MACF1: variants seen among roughly 807,000 people sequenced by gnomAD.
MACF1 encodes microtubule actin crosslinking factor 1.
In MACF1, 193 loss-of-function variants were observed where a neutral mutation model predicts 854.8. The ratio of observed to expected loss-of-function variants is 0.23; its 90% CI spans 0.20 to 0.25. MACF1 has a LOEUF of 0.25. MACF1 is among the 10% of genes least tolerant of loss of function. MACF1 has a pLI of 1.00. For missense variants in MACF1, 7,722 were observed against 8,929.1 expected (o/e 0.86, Z 5.45); for synonymous variants, 3,185 against 3,226.7 (o/e 0.99, Z 0.44).
intron 58 of MACF1, chr1:39,411,306 T>G (rs1398097004): frequency 1.2e-6 from 2 of 1,613,904 alleles, no homozygotes; most frequent in Admixed American, 1.7e-5. Flanking sequence ...GGGAAAAGAC[T>G]TTTCTGATGG....
chr1:39,438,051 A>AT, intron 71 of MACF1, 43 bp downstream of exon 71: 3 of 1,558,220 alleles, frequency 1.9e-6, no homozygotes, highest in Non-Finnish European at 2.6e-6. Context: ...AACAGAATAA[A>AT]TTCTAGGCTG....
At position 39,332,712 on chromosome 1, in the gene MACF1, T is replaced by C; in HGVS notation, c.6124T>C (p.Phe2042Leu). The C allele has an allele frequency of 6.2e-7, 1 of 1,614,132 alleles. No homozygotes were observed. Among genetic ancestry groups the C allele is most frequent in the Non-Finnish European group, 8.5e-7 (1 of 1,180,012 alleles). The stretch of plus-strand genomic sequence containing the variant: ...TGGGTGGACTGTGAGGCTGCCTGAG[T>C]TCCAGTTTTCTTCTCAGAACAAAGA... ...SSGWTVRLPE[F>L]QFSSQNKEYP... The change falls in exon 37 of 101, where the codon TTC becomes CTC. Residue 2042 changes from phenylalanine to leucine, a missense_variant. Around this residue, in one of 15 missense-constraint regions of MACF1, gnomAD observed 1,531 missense variants for 1,601.6 expected, o/e 0.96. Coordinates refer to ENST00000564288, the MANE Select transcript of MACF1 (RefSeq NM_001394062.1).
chr1:39,290,812 C>T (rs549372105), intron 15 of MACF1, among the ~76,000 whole-genome samples: 24 of 151,696 alleles, frequency 1.6e-4, no homozygotes, highest in Admixed American at 7.9e-4. Flanking sequence ...AGATTACAGG[C>T]GTGCGCCACC....
At position 39,431,060 on chromosome 1, in the gene MACF1, G is replaced by A. The variant is rs756279241; in HGVS notation, c.17337+152G>A. The A allele has an allele frequency of 8.1e-4, 655 of 807,336 alleles. 2 individuals are homozygous for A. The highest frequency in any genetic ancestry group is 4.4e-3 in the Middle Eastern group (12 of 2,740). The allele number at this position is 807,336 out of a possible 1,614,324, so 50.0% of individuals were successfully genotyped here. ...TATGTTTCATTGATGGGAAATGATT[G>A]GGTAGAAGTTTGTGAGGATGGATCC... is the stretch of plus-strand genomic sequence containing the variant. On this transcript the variant is annotated intron_variant, in intron 66 of 100. Transcript: ENST00000564288.
chr1:39,410,265 G>A, intron 58 of MACF1: 1 of 1,559,320 alleles, frequency 6.4e-7, no homozygotes, highest in Non-Finnish European at 8.7e-7. Context: ...ATTGAAAAAG[G>A]ATGGGTAAGC....
chr1:39,351,611 G>A (rs1647187505), intron 43 of MACF1, among the ~76,000 whole-genome samples: 1 of 111,892 alleles, frequency 8.9e-6, no homozygotes, highest in African/African-American at 3.5e-5. Flanking sequence ...TTTTGAGACA[G>A]AGTTTTGCTC....
chr1:39,333,678 C>T lies in MACF1; in HGVS notation c.7090C>T (p.Leu2364Phe), dbSNP rs779287900. 8.1e-6 allele frequency: 13 copies of T among 1,614,124 alleles called. No homozygotes were observed. Among genetic ancestry groups the T allele is most frequent in the Non-Finnish European group, 1.0e-5 (12 of 1,180,016 alleles). The change falls in exon 37 of 101, where the codon CTC becomes TTC. Residue 2364 changes from leucine to phenylalanine, a missense_variant. Transcript: ENST00000564288. Reference protein sequence around the residue: ...LMDEKLLHNVLMADKAISGVL... With the variant: ...LMDEKLLHNVFMADKAISGVL... ...GGATGAGAAATTATTACATAATGTC[C>T]TCATGGCAGACAAAGCTATAAGTGG...
chr1:39,258,081 A>G (rs1320174227), intron 6 of MACF1, 53 bp downstream of exon 6: 2 of 1,407,036 alleles, frequency 1.4e-6, no homozygotes, highest in Non-Finnish European at 2.0e-6. Context: ...CATGGCCTAG[A>G]AAGTTGCACT....
chr1:39,211,377 C>T (rs1644513695), intron 1 of MACF1, among the ~76,000 whole-genome samples: 1 of 152,046 alleles, frequency 6.6e-6, no homozygotes, highest in Non-Finnish European at 1.5e-5. Context: ...TAGTGCTTTC[C>T]TGTGAACTGT....
At chr1:39,329,923 G>A (rs1188938587) in intron 36 of MACF1, among the ~76,000 whole-genome samples, 2 of 152,206 alleles carry the variant, frequency 1.3e-5, no homozygotes, top group Non-Finnish European at 2.9e-5. Context: ...TTCTGGGTCT[G>A]ACTCTGGGAG....
Position 39,334,092 on chromosome 1 carries a change from G to A in MACF1, c.7504G>A (p.Val2502Met), listed in dbSNP as rs1646772167. 1 of 1,614,184 alleles carries A rather than the reference G, an allele frequency of 6.2e-7. No homozygotes were observed. Among genetic ancestry groups the A allele is most frequent in the Non-Finnish European group, 8.5e-7 (1 of 1,180,018 alleles). ...EEAVRLLTKQVVDGGIIHHIS... is the reference protein window; with the variant it reads ...EEAVRLLTKQMVDGGIIHHIS... Reference sequence around the variant, plus strand: ...GGCCGTTCGTTTGTTGACTAAGCAAGTGGTAGATGGAGGTATCATTCACCA... The same window carrying A: ...GGCCGTTCGTTTGTTGACTAAGCAAATGGTAGATGGAGGTATCATTCACCA... Residue 2502 changes from valine (V) to methionine (M), a missense_variant, in exon 37 of 101, where the codon GTG becomes ATG. By Grantham distance (21) the Val-to-Met change is conservative. Coordinates refer to ENST00000564288, the MANE Select transcript of MACF1 (RefSeq NM_001394062.1).
chr1:39,360,667 T>C (rs1465043749), intron 47 of MACF1, 126 bp from the exon 48 acceptor site: 1 of 266,260 alleles, frequency 3.8e-6, no homozygotes, highest in Non-Finnish European at 6.2e-6. Context: ...TAAGACCACA[T>C]CCATATAATA....
At chr1:39,111,603 G>A (rs1217414279) in intron 2 of MACF1, among the ~76,000 whole-genome samples, 2 of 151,950 alleles carry the variant, frequency 1.3e-5, no homozygotes, top group African/African-American at 2.4e-5. Flanking sequence ...GGATGGTCTC[G>A]ATCTTCTGAC....
chr1:39,316,798 T>G lies in MACF1; in HGVS notation c.3588+269T>G, dbSNP rs1381346818. Among the ~76,000 whole-genome samples, 4 of 152,238 alleles carry G rather than the reference T, an allele frequency of 2.6e-5. No homozygotes were observed. The East Asian group carries it at 7.7e-4, about 29-fold the overall frequency. On this transcript the variant is annotated intron_variant, in intron 28 of 100. Coordinates refer to ENST00000564288, the MANE Select transcript of MACF1 (RefSeq NM_001394062.1). ...TCATGGATTAATTGGATACAGTCAG[T>G]GGTTGTGCCATAAGTTTATAAATCA...
chr1:39,450,039 T>C (rs1311484483), intron 84 of MACF1, among the ~76,000 whole-genome samples: 5 of 151,906 alleles, frequency 3.3e-5, no homozygotes, highest in Admixed American at 3.3e-4. Context: ...TTTTTTAATA[T>C]TTTTATTAGA....
intron 49 of MACF1, among the ~76,000 whole-genome samples, chr1:39,363,569 C>T (rs191609200): frequency 2.7e-5 from 4 of 150,144 alleles, no homozygotes; most frequent in Admixed American, 1.3e-4. Context: ...AGAAGAGTTA[C>T]AGTTTAATCA....
intron 2 of MACF1, among the ~76,000 whole-genome samples, chr1:39,163,265 C>T (rs1643839044): frequency 7.1e-6 from 1 of 141,522 alleles, no homozygotes; most frequent in South Asian, 2.3e-4. Context: ...GCAGGAGAAT[C>T]GCTTGAATCC....
rs759203465 is a variant in MACF1 at position 39,295,895 on chromosome 1, T to C, written c.2355+13T>C. On this transcript the variant is annotated intron_variant, in intron 20 of 100. Coordinates refer to ENST00000564288, the MANE Select transcript of MACF1 (RefSeq NM_001394062.1). ...TGCTTATTTTCAGGTGTGATGGATT[T>C]CTGTGTTTGTGTGTGTGTGTACATA... 1.9e-6 allele frequency: 3 copies of C among 1,610,520 alleles called. No individual in the cohort carries two copies. The South Asian group carries it at 3.3e-5, about 18-fold the overall frequency.
At chr1:39,380,523 C>T in intron 55 of MACF1, 150 bp downstream of exon 55, 1 of 798,152 alleles carries the variant, frequency 1.3e-6, no homozygotes, top group Non-Finnish European at 1.9e-6. Context: ...GAGCATGAGC[C>T]TGAATTGGGA....
Sources: allele counts gnomAD v4.1 joint callset (sites outside exome capture counted in the v4.1 genomes callset), GRCh38; gene constraint gnomAD v4.1.1; regional missense constraint gnomAD v4.1.1; transcripts MANE v1.5; gene names NCBI Gene and HGNC (gene_info 2026-07-23, HGNC 2026-07-21).